The following IRX6 variants were observed in gnomAD, a reference collection of about 807,000 sequenced individuals.
The protein encoded by IRX6 is iroquois-class homeodomain protein IRX-6.
IRX6 carries 46 observed loss-of-function variants against 47.7 expected under a neutral mutation model. The ratio of observed to expected loss-of-function variants is 0.96; its 90% confidence interval spans 0.76 to 1.23. The LOEUF (loss-of-function observed/expected upper bound fraction) is 1.23, where lower values mean the gene tolerates loss of function less well. Ranked by LOEUF, IRX6 falls within the 50% of genes most tolerant of loss-of-function variation. The pLI is 0.00. For missense variants in IRX6, 722 were observed against 588.0 expected (o/e 1.23, Z -2.36); for synonymous variants, 265 against 246.2 (o/e 1.08, Z -0.72).
chr16:55,326,207 G>A, intron 1 of IRX6, 129 bp from the exon 2 acceptor site: 2 of 824,452 alleles, frequency 2.4e-6, no homozygotes, highest in Admixed American at 2.9e-5. Flanking sequence ...GCATAATGAA[G>A]GAATGAATGA....
chr16:55,325,285 C>T, intron 1 of IRX6, 149 bp downstream of exon 1: 1 of 702,570 alleles, frequency 1.4e-6, no homozygotes, highest in Non-Finnish European at 2.4e-6. Context: ...CCTCCTCTGA[C>T]ATCCCCAGTC....
Position 55,328,750 on chromosome 16 carries a change from G to T in IRX6, c.772G>T (p.Asp258Tyr). The T allele has an allele frequency of 6.2e-7, 1 of 1,613,312 alleles. No individual in the cohort carries two copies. Among genetic ancestry groups the T allele is most frequent in the Non-Finnish European group, 8.5e-7 (1 of 1,180,036 alleles). ...GGGGCTCCGGCTGAGTGACCTGGAA[G>T]ACCTGGAGGAAGAGGAGGAGGAGGA... is the stretch of plus-strand genomic sequence containing the variant. ...ARGLRLSDLEDLEEEEEEEEE... is the reference protein window; with the variant it reads ...ARGLRLSDLEYLEEEEEEEEE... The change falls in exon 5 of 6, where the codon GAC becomes TAC. Residue 258 changes from aspartate to tyrosine, a missense_variant. Physicochemically the swap from Asp to Tyr is radical, Grantham distance 160. Coordinates refer to ENST00000290552, the MANE Select transcript of IRX6 (RefSeq NM_024335.3).
Position 55,327,692 on chromosome 16 carries a change from C to T in IRX6, c.520C>T (p.Pro174Ser). Reference protein sequence around the residue: ...WLNEHRKNPYPTKGEKIMLAI... With the variant: ...WLNEHRKNPYSTKGEKIMLAI... ...CAACGAGCACCGCAAAAACCCCTAC[C>T]CCACTAAGGGTGAGAAGATCATGCT... Residue 174 changes from proline (P) to serine (S), a missense_variant, in exon 4 of 6, where the codon CCC (proline) becomes TCC (serine). Transcript: ENST00000290552. 6.2e-7 allele frequency: 1 copy of T among 1,612,408 alleles called. No homozygotes were observed. Among genetic ancestry groups the T allele is most frequent in the Non-Finnish European group, 8.5e-7 (1 of 1,180,016 alleles).
chr16:55,324,988 C>A lies in IRX6; in HGVS notation c.-104C>A. 1 of 1,234,770 alleles carries A rather than the reference C, an allele frequency of 8.1e-7. No homozygotes were observed. Among genetic ancestry groups the A allele is most frequent in the Non-Finnish European group, 1.2e-6 (1 of 844,054 alleles). The allele number at this position is 1,234,770 out of a possible 1,614,324, so 76.5% of individuals were successfully genotyped here. A position where few individuals can be genotyped will look rare whatever the true frequency, so the allele number is the denominator to read the frequency against. On this transcript the variant is annotated 5_prime_UTR_variant, in exon 1 of 6. Coordinates refer to ENST00000290552, the MANE Select transcript of IRX6 (RefSeq NM_024335.3). The surrounding 1 kb of genome is among the most constrained non-coding windows in gnomAD (Gnocchi z 4.4). Reference sequence around the variant, plus strand: ...CGAAGGAACCGGCGCTGGGCATCCGCAGCGGTGTAAGGAACTGAGACACCT... The same window carrying A: ...CGAAGGAACCGGCGCTGGGCATCCGAAGCGGTGTAAGGAACTGAGACACCT...
At chr16:55,325,688 T>C (rs1257090537) in intron 1 of IRX6, 1 of 153,762 alleles carries the variant, frequency 6.5e-6, no homozygotes, top group African/African-American at 2.4e-5. Context: ...GCTATTCTCC[T>C]ACCCCTTCCT....
chr16:55,327,592 C>A lies in IRX6; in HGVS notation c.420C>A (p.Gly140=). The A allele has an allele frequency of 6.2e-7, 1 of 1,600,614 alleles. No homozygotes were observed. The highest frequency in any genetic ancestry group is 1.1e-5 in the South Asian group (1 of 88,456). ...GCCAGGTTCTCCCCCACAGGTATGGCGCAGTGGAATTGAGTGGCGCCGGTC... is the reference window on the plus strand; with the variant it reads ...GCCAGGTTCTCCCCCACAGGTATGGAGCAGTGGAATTGAGTGGCGCCGGTC... ...TLGQYQYERY[G]AVELSGAGRR... is the part of the protein sequence containing the mutation. Residue 140 remains glycine, a synonymous_variant, in exon 4 of 6, where the codon GGC becomes GGA. Coordinates refer to ENST00000290552, the MANE Select transcript of IRX6 (RefSeq NM_024335.3).
At position 55,325,012 on chromosome 16, in the gene IRX6, C is replaced by T. The variant is rs1166358439; in HGVS notation, c.-80C>T. ...GCAGCGGTGTAAGGAACTGAGACAC[C>T]TCACTGCTGGGGGCGCGGAACAGCT... On this transcript the variant is annotated 5_prime_UTR_variant, in exon 1 of 6. Transcript: ENST00000290552. The T allele has an allele frequency of 3.4e-6, 5 of 1,466,176 alleles. No homozygotes were observed. In the East Asian group the frequency reaches 9.1e-5, roughly 27 times the overall value. 90.8% of individuals were successfully genotyped at this position (1,466,176 alleles called of 1,614,324 possible). A position where few individuals can be genotyped will look rare whatever the true frequency, so the allele number is the denominator to read the frequency against.
chr16:55,325,535 GAGAGA>G, intron 1 of IRX6, among the ~76,000 whole-genome samples: 1 of 55,884 alleles, frequency 1.8e-5, no homozygotes, highest in Non-Finnish European at 3.4e-5. Context: ...AGGAAGGAGA[GAGAGA>G]GAGAGAGAGA....
At position 55,324,936 on chromosome 16, in the gene IRX6, G is replaced by A; in HGVS notation, c.-156G>A. ...GGGCTCGGCAGCCGGGCTGCCCTCG[G>A]CTCTGCCTCCACTGGGGCCAACCAG... On this transcript the variant is annotated 5_prime_UTR_variant, in exon 1 of 6. Transcript: ENST00000290552. This position sits in a 1 kb window ranked among gnomAD's most constrained non-coding sequence, Gnocchi z 4.4. 1 of 750,140 alleles carries A rather than the reference G, an allele frequency of 1.3e-6. No homozygotes were observed. The allele number at this position is 750,140 out of a possible 1,614,324, so 46.5% of individuals were successfully genotyped here.
intron 3 of IRX6, 78 bp from the exon 4 acceptor site, chr16:55,327,508 A>G (rs1320015840): frequency 1.9e-6 from 3 of 1,576,826 alleles, no homozygotes; most frequent in Middle Eastern, 1.9e-4. Context: ...GCTGAACCAC[A>G]CTTCCACGCC....
rs1289968024 is a variant in IRX6 at position 55,326,976 on chromosome 16, T to C, written c.304-320T>C. 11 of 37,296 alleles carry C rather than the reference T, an allele frequency of 2.9e-4. 2 individuals are homozygous for C. Among genetic ancestry groups the C allele is most frequent in the Non-Finnish European group, 4.9e-4 (11 of 22,242 alleles). The allele number at this position is 37,296 out of a possible 1,614,324, so 2.3% of individuals were successfully genotyped here. A position where few individuals can be genotyped will look rare whatever the true frequency, so the allele number is the denominator to read the frequency against. ...GCAGGGGGCGGGGGGTGGGGGGCAGTAAGGGGGGAAAGGAGGGAGGGACAA... is the reference window on the plus strand; with the variant it reads ...GCAGGGGGCGGGGGGTGGGGGGCAGCAAGGGGGGAAAGGAGGGAGGGACAA... On this transcript the variant is annotated intron_variant, in intron 2 of 5. Coordinates refer to ENST00000290552, the MANE Select transcript of IRX6 (RefSeq NM_024335.3).
rs1960484510 is a variant in IRX6, at chr16:55,325,061, G to A, written c.-31G>A. On this transcript the variant is annotated 5_prime_UTR_variant, in exon 1 of 6. Transcript: ENST00000290552. ...CTGGGCTGAGACGGGAACTCGACAG[G>A]GAAGAGAGAGACGGGCCAGGGACAG... 1 of 1,613,118 alleles carries A rather than the reference G, an allele frequency of 6.2e-7. No individual in the cohort carries two copies. The highest frequency in any genetic ancestry group is 1.3e-5 in the African/African-American group (1 of 74,914).
intron 2 of IRX6, chr16:55,326,984 G>GGGGGGA: frequency 5.7e-6 from 1 of 174,058 alleles, no homozygotes; most frequent in Non-Finnish European, 1.1e-5. Context: ...AGTAAGGGGG[G>GGGGGGA]AAAGGAGGGA....
rs771897936 is a variant in IRX6 at position 55,328,987 on chromosome 16, C to G, written c.1009C>G (p.Pro337Ala). 1.4e-5 allele frequency: 22 copies of G among 1,613,636 alleles called. No individual in the cohort carries two copies. The highest frequency in any genetic ancestry group is 1.7e-5 in the Non-Finnish European group (20 of 1,180,024). The change falls in exon 5 of 6, where the codon CCT (proline) becomes GCT (alanine). Residue 337 changes from proline to alanine, a missense_variant. Transcript: ENST00000290552. ...CTTCCTCTCGGCGGAGACAGGCAGCCCTAGGTTGACCATGCACTACCCATG... is the reference window on the plus strand; with the variant it reads ...CTTCCTCTCGGCGGAGACAGGCAGCGCTAGGTTGACCATGCACTACCCATG... ...ADFLSAETGS[P>A]RLTMHYPCLE...
chr16:55,329,088 G>A lies in IRX6; in HGVS notation c.1110G>A (p.Arg370=). 6.2e-7 allele frequency: 1 copy of A among 1,614,070 alleles called. No individual in the cohort carries two copies. Among genetic ancestry groups the A allele is most frequent in the Non-Finnish European group, 8.5e-7 (1 of 1,180,042 alleles). Residue 370 remains arginine, a synonymous_variant, in exon 5 of 6, where the codon CGG becomes CGA. Transcript: ENST00000290552. ...CTGTTGAAGGTGCACCCCCAGCCCG[G>A]CCTAGGCCACGAAGTCCTGAGTGCC... The part of the protein sequence containing the change: ...ASAVEGAPPA[R]PRPRSPECRM...
chr16:55,327,248 G>T (rs542282277), intron 2 of IRX6, 48 bp from the exon 3 acceptor site: 11 of 1,353,012 alleles, frequency 8.1e-6, no homozygotes, highest in East Asian at 6.9e-5. Flanking sequence ...CACCCCATGT[G>T]CCCCCTCCCC....
At position 55,326,582 on chromosome 16, in the gene IRX6, T is replaced by C. The variant is rs1337606652; in HGVS notation, c.292T>C (p.Tyr98His). Residue 98 changes from tyrosine (Y) to histidine (H), a missense_variant, in exon 2 of 6, where the codon TAT becomes CAT. Physicochemically the swap from Tyr to His is moderately conservative, Grantham distance 83. Coordinates refer to ENST00000290552, the MANE Select transcript of IRX6 (RefSeq NM_024335.3). ...LPYSPEPPSL[Y>H]GALNPQYEFK... ...CTATAGCCCAGAGCCCCCCTCACTG[T>C]ATGGGGCACTGGTGAGTACAGGGGT... 1 of 1,554,536 alleles carries C rather than the reference T, an allele frequency of 6.4e-7. No individual in the cohort carries two copies. The highest frequency in any genetic ancestry group is 8.7e-7 in the Non-Finnish European group (1 of 1,147,368).
rs1464211108 is a variant in IRX6 at position 55,326,524 on chromosome 16, TGCA to T, written c.237_239del (p.Ala81del). 1 of 1,602,374 alleles carries T rather than the reference TGCA, an allele frequency of 6.2e-7. No individual in the cohort carries two copies. The highest frequency in any genetic ancestry group is 1.3e-5 in the African/African-American group (1 of 74,760). ...TCTATGGAGCACCCTATGCGGCCGC[TGCA>T]GCTGCCCAGAGCTACCCTGGCTACC... On this transcript the variant is annotated inframe_deletion, in exon 2 of 6. Transcript: ENST00000290552.
rs1220493170 is a variant in IRX6 at position 55,330,101 on chromosome 16, T to C, written c.1334-197T>C. Among the ~76,000 whole-genome samples the C allele has an allele frequency of 2.0e-5, 3 of 152,236 alleles. No individual in the cohort carries two copies. The East Asian group carries it at 5.8e-4, about 29-fold the overall frequency. On this transcript the variant is annotated intron_variant, in intron 5 of 5. Coordinates refer to ENST00000290552, the MANE Select transcript of IRX6 (RefSeq NM_024335.3). ...ATTCTGCTCTTTGTAGTAATTTCTC[T>C]CAGGATTAGCTGCTGGCTTAGAAAA...
Sources: allele counts gnomAD v4.1 joint callset (sites outside exome capture counted in the v4.1 genomes callset), GRCh38; gene constraint gnomAD v4.1.1; non-coding constraint Gnocchi (gnomAD v3.1); transcripts MANE v1.5; gene names NCBI Gene and HGNC (gene_info 2026-07-23, HGNC 2026-07-21).